The following TTLL8 variants were observed in gnomAD, a reference collection of about 807,000 sequenced individuals.
The protein encoded by TTLL8 is tubulin tyrosine ligase like 8.
Under a neutral mutation model 77.8 loss-of-function variants are expected in TTLL8, and 65 were observed. That is an observed-to-expected ratio of 0.84 (90% confidence interval 0.68 to 1.03). The LOEUF (loss-of-function observed/expected upper bound fraction) is 1.03. TTLL8 is among the 50% of genes least tolerant of loss of function. TTLL8 has a pLI of 0.00. For missense variants in TTLL8, 910 were observed against 1,004.5 expected, an observed-to-expected ratio of 0.91 and a Z score of 1.27; for synonymous variants, 402 against 422.8, an observed-to-expected ratio of 0.95 and a Z score of 0.60.
chr22:50,032,102 G>A (rs1400406406), exon 11 of TTLL8: 3 of 1,359,892 alleles, frequency 2.2e-6, no homozygotes, highest in African/African-American at 1.5e-5. Context: ...TTGCACAGGT[G>A]GATGGCGCTG....
intron 12 of TTLL8, among the ~76,000 whole-genome samples, chr22:50,023,590 C>A (rs2061216258): frequency 6.6e-6 from 1 of 152,072 alleles, no homozygotes; most frequent in Non-Finnish European, 1.5e-5. Flanking sequence ...GAGGCTGAGG[C>A]AGGATAATCG....
At chr22:50,022,180 G>GTGCACTCCTCC (rs2061207022) in intron 12 of TTLL8, among the ~76,000 whole-genome samples, 1 of 148,096 alleles carries the variant, frequency 6.8e-6, no homozygotes, top group Non-Finnish European at 1.5e-5. Flanking sequence ...TCCATCTGAT[G>GTGCACTCCTCC]ATGTGCACTC....
chr22:50,050,324 C>A (rs1010084077), intron 1 of TTLL8, 77 bp from the exon 4 acceptor site: 22 of 1,068,130 alleles, frequency 2.1e-5, no homozygotes, highest in Non-Finnish European at 2.8e-5. Context: ...CATGGATAAG[C>A]TTGTTAGTGC....
At chr22:50,040,441 C>A (rs1177517756) in intron 8 of TTLL8, among the ~76,000 whole-genome samples, 1 of 152,222 alleles carries the variant, frequency 6.6e-6, no homozygotes, top group Non-Finnish European at 1.5e-5. Flanking sequence ...ACAGACTGTT[C>A]CCCAAATGTG....
intron 11 of TTLL8, among the ~76,000 whole-genome samples, chr22:50,031,205 G>A (rs1338571664): frequency 6.6e-6 from 1 of 152,160 alleles, no homozygotes; most frequent in Non-Finnish European, 1.5e-5. Context: ...CAGAGAGGCC[G>A]CAAGAGAGAG....
chr22:50,033,474 T>G, intron 9 of TTLL8, 29 bp from the exon 11 acceptor site: 1 of 1,347,846 alleles, frequency 7.4e-7, no homozygotes, highest in South Asian at 1.1e-5. Flanking sequence ...CAACCCAGCA[T>G]GCACAGCCAC....
exon 5 of TTLL8, chr22:50,045,945 C>A: frequency 3.7e-6 from 5 of 1,360,014 alleles, no homozygotes; most frequent in Non-Finnish European, 4.9e-6. Flanking sequence ...CCAGGGCAGG[C>A]TCCGCATGTT....
At chr22:50,029,159 C>T (rs2061261385) in intron 12 of TTLL8, among the ~76,000 whole-genome samples, 1 of 25,746 alleles carries the variant, frequency 3.9e-5, no homozygotes, top group African/African-American at 1.6e-4. Context: ...CCCACACACC[C>T]TCGTAAAGAC....
At chr22:50,037,201 G>A (rs1253305148) in intron 8 of TTLL8, among the ~76,000 whole-genome samples, 2 of 132,622 alleles carry the variant, frequency 1.5e-5, no homozygotes, top group Non-Finnish European at 3.4e-5. Context: ...ACTTGATGTC[G>A]TTTTAACTTT....
rs769967707 is a variant in TTLL8, at chr22:50,045,849, CACTT to C, written c.508+3_508+6del. ...GCACTGGGGCCCTCTGCCGTCTCCT[CACTT>C]ACCCAGGAACTCCTGCTGCTCACTC... On this transcript the variant is annotated splice_donor_5th_base_variant and intron_variant, in intron 5 of 13. Coordinates refer to ENST00000266182, the Ensembl canonical transcript of TTLL8. 9 of 1,340,230 alleles carry C rather than the reference CACTT, an allele frequency of 6.7e-6. No homozygotes were observed. In the Admixed American group the frequency reaches 1.6e-4, roughly 24 times the overall value. The allele number at this position is 1,340,230 out of a possible 1,614,324, so 83.0% of individuals were successfully genotyped here. A position where few individuals can be genotyped will look rare whatever the true frequency, so the allele number is the denominator to read the frequency against.
intron 4 of TTLL8, 184 bp downstream of exon 6, chr22:50,046,984 A>AG: frequency 1.4e-6 from 1 of 697,242 alleles, no homozygotes; most frequent in Non-Finnish European, 1.8e-6. Flanking sequence ...CAAAGGGCAC[A>AG]GGGGTGCTGG....
intron 12 of TTLL8, among the ~76,000 whole-genome samples, chr22:50,025,304 T>C (rs1366903727): frequency 8.3e-6 from 1 of 120,572 alleles, no homozygotes. Context: ...AAGGCATCAC[T>C]AAGAAAGCAA....
chr22:50,056,705 C>A (rs2061472657), upstream of TTLL8: 1 of 974,480 alleles, frequency 1.0e-6, no homozygotes, highest in Non-Finnish European at 1.2e-6. This position sits in a 1 kb window ranked among gnomAD's most constrained non-coding sequence, Gnocchi z 4.1. Context: ...CCCCTGGGGT[C>A]CTCCGCCTGG....
intron 12 of TTLL8, among the ~76,000 whole-genome samples, chr22:50,019,316 A>G (rs2061182096): frequency 6.6e-6 from 1 of 152,196 alleles, no homozygotes; most frequent in African/African-American, 2.4e-5. Context: ...GAGATCAACA[A>G]AAGTTAAATG....
intron 8 of TTLL8, among the ~76,000 whole-genome samples, chr22:50,039,921 GACGGACCTC>G (rs2061359030): frequency 6.6e-6 from 1 of 150,976 alleles, no homozygotes. Context: ...TATCAGTGTG[GACGGACCTC>G]ACGGACCTCA....
rs201849711 is a variant in TTLL8 at position 50,050,099 on chromosome 22, G to T, written c.190+10C>A. 6.6e-6 allele frequency: 9 copies of T among 1,365,986 alleles called. No individual in the cohort carries two copies. The African/African-American group carries it at 1.2e-4, about 18-fold the overall frequency. The allele number at this position is 1,365,986 out of a possible 1,614,324, so 84.6% of individuals were successfully genotyped here. On this transcript the variant is annotated intron_variant, in intron 2 of 13. Transcript: ENST00000266182. ...GCCCTGAGCTGAGACGTGCGCCTCC[G>T]ATACGCTACCATTGACCCGGGCGCC...
intron 8 of TTLL8, among the ~76,000 whole-genome samples, chr22:50,038,167 G>A (rs975332259): frequency 5.3e-5 from 8 of 152,150 alleles, no homozygotes; most frequent in African/African-American, 1.9e-4. Context: ...TTCACGATTT[G>A]TTGCTAGAAC....
intron 3 of TTLL8, 21 bp downstream of exon 5, chr22:50,049,228 T>C (rs751330417): frequency 7.3e-7 from 1 of 1,367,560 alleles, no homozygotes; most frequent in Admixed American, 1.9e-5. Context: ...CAGCTGACCA[T>C]GACGCATGCA....
At position 50,034,779 on chromosome 22, in the gene TTLL8, G is replaced by C. The variant is rs528020947; in HGVS notation, c.922-317C>G. 1.4e-4 allele frequency among the ~76,000 whole-genome samples: 22 copies of C among 152,290 alleles called. 1 individual carries two copies. The East Asian group carries it at 4.1e-3, about 28-fold the overall frequency. ...AGCAGCACCCTGCCTGGGTGGAAAT[G>C]GTGGGATGCACGGGTGGGGGTGGGG... On this transcript the variant is annotated intron_variant, in intron 8 of 13. Coordinates refer to ENST00000266182, the Ensembl canonical transcript of TTLL8. This position sits in a 1 kb window ranked among gnomAD's most constrained non-coding sequence, Gnocchi z 4.1.
Sources: allele counts gnomAD v4.1 joint callset (sites outside exome capture counted in the v4.1 genomes callset), GRCh38; gene constraint gnomAD v4.1.1; non-coding constraint Gnocchi (gnomAD v3.1); transcripts MANE v1.5; gene names NCBI Gene and HGNC (gene_info 2026-07-23, HGNC 2026-07-21).